The following OPCML variants were observed in gnomAD, a reference collection of about 807,000 sequenced individuals.
The protein encoded by OPCML is opioid-binding protein/cell adhesion molecule.
In OPCML, 13 loss-of-function variants were observed where a neutral mutation model predicts 37.8. The ratio of observed to expected loss-of-function variants is 0.34; its 90% CI spans 0.22 to 0.55. OPCML has a LOEUF of 0.55. OPCML is among the 20% of genes least tolerant of loss of function. The pLI, the probability that OPCML is intolerant of heterozygous loss-of-function variation, is 0.91. For missense variants in OPCML, 341 were observed against 435.6 expected (o/e 0.78, Z 1.93); for synonymous variants, 176 against 168.8 (o/e 1.04, Z -0.33).
At chr11:132,802,999 C>T (rs1392438636) in intron 2 of OPCML, among the ~76,000 whole-genome samples, 1 of 152,160 alleles carries the variant, frequency 6.6e-6, no homozygotes, top group Non-Finnish European at 1.5e-5. Context: ...ATCATAACTG[C>T]TTGATAGAAG....
chr11:133,486,419 C>A (rs1030259893), intron 1 of OPCML, among the ~76,000 whole-genome samples: 1 of 152,172 alleles, frequency 6.6e-6, no homozygotes, highest in Non-Finnish European at 1.5e-5. Flanking sequence ...AATTTGACTA[C>A]CAACAACTTC....
intron 3 of OPCML, among the ~76,000 whole-genome samples, chr11:132,567,820 A>G (rs2096427430): frequency 6.6e-6 from 1 of 152,220 alleles, no homozygotes; most frequent in Admixed American, 6.5e-5. Flanking sequence ...CTTAGGTCTG[A>G]GATGACAGTC....
At chr11:132,750,977 C>T (rs960527805) in intron 2 of OPCML, among the ~76,000 whole-genome samples, 1 of 152,016 alleles carries the variant, frequency 6.6e-6, no homozygotes, top group Non-Finnish European at 1.5e-5. Context: ...ACATAATCTA[C>T]CCAGAGGCTG....
intron 1 of OPCML, among the ~76,000 whole-genome samples, chr11:133,273,400 C>A (rs565997964): frequency 1.3e-5 from 2 of 152,274 alleles, no homozygotes; most frequent in Admixed American, 1.3e-4. Context: ...CCAAACCACA[C>A]TTCCAAGTCC....
chr11:132,688,567 T>C (rs2135880140), intron 2 of OPCML, among the ~76,000 whole-genome samples: 1 of 152,324 alleles, frequency 6.6e-6, no homozygotes, highest in Non-Finnish European at 1.5e-5. Context: ...GTATATTCAA[T>C]GCAGCCTGGA....
chr11:132,940,174 C>A (rs1945530116), intron 2 of OPCML, among the ~76,000 whole-genome samples: 1 of 152,132 alleles, frequency 6.6e-6, no homozygotes, highest in African/African-American at 2.4e-5. Context: ...ACTGATATCC[C>A]AAAGGAGGAA....
intron 1 of OPCML, among the ~76,000 whole-genome samples, chr11:133,373,448 T>TATATATATATACACACAC (rs966091785): frequency 6.1e-5 from 8 of 132,164 alleles, no homozygotes; most frequent in African/African-American, 2.2e-4. Context: ...TATATATATA[T>TATATATATATACACACAC]ACACACACAC....
At chr11:133,076,354 G>A (rs1292236826) in intron 1 of OPCML, among the ~76,000 whole-genome samples, 1 of 152,208 alleles carries the variant, frequency 6.6e-6, no homozygotes, top group East Asian at 1.9e-4. Flanking sequence ...TGATGTCTGG[G>A]ATGAATTGTT....
intron 3 of OPCML, among the ~76,000 whole-genome samples, chr11:132,569,577 A>G (rs916049402): frequency 9.9e-5 from 15 of 152,204 alleles, no homozygotes; most frequent in African/African-American, 1.9e-4. Context: ...AAAAACTTCA[A>G]TCTTCATAAT....
At position 133,229,054 on chromosome 11, in the gene OPCML, T is replaced by C. The variant is rs74398899; in HGVS notation, c.62-286044A>G. The stretch of plus-strand genomic sequence containing the variant: ...CCAAAACTAGGAAGAGGCTTCATAT[T>C]CATCTTGGAGCAGGCCCAGCACAGA... On this transcript the variant is annotated intron_variant, in intron 1 of 7. Coordinates refer to ENST00000524381, the MANE Select transcript of OPCML (RefSeq NM_001012393.5). Among the ~76,000 whole-genome samples the C allele has an allele frequency of 5.8e-3, 887 of 152,268 alleles. 13 individuals are homozygous for C. The highest frequency in any genetic ancestry group is 0.02 in the African/African-American group (821 of 41,554).
intron 1 of OPCML, chr11:133,301,476 A>C (rs1942775149): frequency 6.6e-6 from 1 of 152,244 alleles, no homozygotes; most frequent in Non-Finnish European, 1.5e-5. Context: ...GGTTTGTTCC[A>C]AAATGAATAC....
At chr11:132,887,256 C>T (rs1383399148) in intron 2 of OPCML, among the ~76,000 whole-genome samples, 1 of 152,200 alleles carries the variant, frequency 6.6e-6, no homozygotes, top group South Asian at 2.1e-4. Flanking sequence ...CAGTCGGCTC[C>T]ACCACGGAGC....
intron 2 of OPCML, among the ~76,000 whole-genome samples, chr11:132,728,098 C>T (rs1944948716): frequency 6.6e-6 from 1 of 152,224 alleles, no homozygotes; most frequent in African/African-American, 2.4e-5. Context: ...TGGTGAAAGA[C>T]GAAAACGTGT....
chr11:133,369,514 G>A (rs141301872), intron 1 of OPCML, among the ~76,000 whole-genome samples: 45 of 152,266 alleles, frequency 3.0e-4, no homozygotes, highest in Admixed American at 2.0e-4. Flanking sequence ...TAATCAAAAC[G>A]CAGAGCCAGT....
intron 3 of OPCML, among the ~76,000 whole-genome samples, chr11:132,534,480 G>T (rs2096334908): frequency 6.6e-6 from 1 of 152,162 alleles, no homozygotes; most frequent in Non-Finnish European, 1.5e-5. Flanking sequence ...TCAAACGATT[G>T]TGTACTTGTG....
chr11:132,659,304 T>G (rs1941849158), intron 2 of OPCML, among the ~76,000 whole-genome samples: 1 of 152,200 alleles, frequency 6.6e-6, no homozygotes, highest in South Asian at 2.1e-4. Context: ...TATGATAAAT[T>G]TATTCATTCT....
intron 3 of OPCML, among the ~76,000 whole-genome samples, chr11:132,628,758 A>G (rs1333887774): frequency 2.6e-5 from 4 of 152,040 alleles, no homozygotes; most frequent in Non-Finnish European, 2.9e-5. Flanking sequence ...TAATTGAATG[A>G]GGGGGGGCAG....
chr11:132,430,301 G>C (rs1014982527), intron 7 of OPCML, among the ~76,000 whole-genome samples: 3 of 152,148 alleles, frequency 2.0e-5, no homozygotes, highest in Admixed American at 1.3e-4. Flanking sequence ...GAAGAGGAGG[G>C]AGGTGGGGGA....
chr11:133,381,666 G>T (rs1944931608), intron 1 of OPCML, among the ~76,000 whole-genome samples: 1 of 152,184 alleles, frequency 6.6e-6, no homozygotes, highest in Non-Finnish European at 1.5e-5. Context: ...GACAGAAGGA[G>T]TGACCAGAGG....
Sources: gnomAD v4.1 joint callset for allele counts (sites outside exome capture counted in the v4.1 genomes callset) on GRCh38, gnomAD v4.1.1 for gene constraint, MANE v1.5 for transcripts, NCBI Gene and HGNC (gene_info 2026-07-23, HGNC 2026-07-21) for gene names.